ANKRD26: variants seen among roughly 807,000 people sequenced by gnomAD.
ANKRD26 encodes ankyrin repeat domain 26.
In ANKRD26, 141 loss-of-function variants were observed where a neutral mutation model predicts 208.7. The ratio of observed to expected loss-of-function variants is 0.68; its 90% CI spans 0.59 to 0.78. The LOEUF is 0.78. Ranked by LOEUF, ANKRD26 falls within the 30% of genes least tolerant of loss-of-function variation. ANKRD26 has a pLI of 0.00. For synonymous variants in ANKRD26, 636 were observed against 660.4 expected, an observed-to-expected ratio of 0.96 and a Z score of 0.57; for missense variants, 1,889 against 1,938.7, an observed-to-expected ratio of 0.97 and a Z score of 0.48.
chr10:27,049,504 A>T (rs572637304), intron 16 of ANKRD26, among the ~76,000 whole-genome samples: 7 of 152,182 alleles, frequency 4.6e-5, no homozygotes, highest in Non-Finnish European at 1.0e-4. Flanking sequence ...AACAAAGTGA[A>T]GGTGCTCACT....
chr10:27,020,374 A>C (rs2053446052), intron 29 of ANKRD26, among the ~76,000 whole-genome samples: 1 of 152,136 alleles, frequency 6.6e-6, no homozygotes, highest in South Asian at 2.1e-4. Context: ...GCTATAGAAC[A>C]CCGGAATGCA....
intron 1 of ANKRD26, among the ~76,000 whole-genome samples, chr10:27,097,276 C>A (rs1173415926): frequency 6.6e-6 from 1 of 151,234 alleles, no homozygotes; most frequent in Non-Finnish European, 1.5e-5. Context: ...GAGATCGAGA[C>A]CACCCTGGCT....
rs2056612473 is a variant in ANKRD26, at chr10:27,100,392, C to G, written c.-66G>C. The G allele has an allele frequency of 6.3e-7, 1 of 1,593,528 alleles. No individual in the cohort carries two copies. The highest frequency in any genetic ancestry group is 1.7e-5 in the Admixed American group (1 of 58,808). ...TCGGCTCTTAACGGCCTCCGGAGCC[C>G]AACATAACAAGTCAGCCCCGGCTGG... On this transcript the variant is annotated 5_prime_UTR_variant, in exon 1 of 34. Coordinates refer to ENST00000376087, the MANE Select transcript of ANKRD26 (RefSeq NM_014915.3).
chr10:27,048,558 ATG>A (rs2054539323), intron 17 of ANKRD26, among the ~76,000 whole-genome samples: 1 of 152,200 alleles, frequency 6.6e-6, no homozygotes, highest in African/African-American at 2.4e-5. Context: ...CCAACAGTGT[ATG>A]AGAATGCCTT....
At chr10:27,048,162 C>T (rs553889875) in intron 17 of ANKRD26, among the ~76,000 whole-genome samples, 2 of 152,190 alleles carry the variant, frequency 1.3e-5, no homozygotes, top group South Asian at 4.2e-4. Flanking sequence ...CCTAAAAATA[C>T]CCAGTATACT....
At chr10:27,045,144 C>T (rs955877416) in intron 18 of ANKRD26, among the ~76,000 whole-genome samples, 1 of 152,192 alleles carries the variant, frequency 6.6e-6, no homozygotes, top group Non-Finnish European at 1.5e-5. Context: ...CTTATTGAAG[C>T]TGGGCGTGCT....
chr10:27,037,733 TTA>T (rs1294924118), intron 22 of ANKRD26, 136 bp downstream of exon 22: 14 of 708,162 alleles, frequency 2.0e-5, no homozygotes, highest in Admixed American at 3.0e-5. Context: ...ATGAATAATT[TTA>T]GTTATAAAGG....
At chr10:27,088,873 A>C (rs1019828722) in intron 4 of ANKRD26, among the ~76,000 whole-genome samples, 5 of 152,204 alleles carry the variant, frequency 3.3e-5, no homozygotes, top group African/African-American at 1.2e-4. Context: ...CATGAAGGTC[A>C]AGGCTAAGTC....
intron 30 of ANKRD26, among the ~76,000 whole-genome samples, chr10:27,016,963 G>T (rs575776451): frequency 6.6e-6 from 1 of 152,214 alleles, no homozygotes; most frequent in African/African-American, 2.4e-5. Context: ...CTAAGCAGGA[G>T]GATCACTTGA....
At chr10:27,053,850 T>C (rs10829170) in intron 15 of ANKRD26, among the ~76,000 whole-genome samples, 18,079 of 152,242 alleles carry the variant, frequency 0.12, 1,525 homozygotes, top group East Asian at 0.28. Context: ...TAAAGTAACA[T>C]TGTATAATGT....
At chr10:27,053,893 AAG>A (rs2135392217) in intron 15 of ANKRD26, among the ~76,000 whole-genome samples, 1 of 152,344 alleles carries the variant, frequency 6.6e-6, no homozygotes, top group East Asian at 1.9e-4. Flanking sequence ...ACAAGGCACA[AAG>A]AGTGTTTTTC....
At chr10:26,965,358 C>A in the ANKRD26 span, among the ~76,000 whole-genome samples, 1 of 152,058 alleles carries the variant, frequency 6.6e-6, no homozygotes, top group African/African-American at 2.4e-5. Flanking sequence ...CTTTGACAAA[C>A]CTGACAAAAA....
chr10:26,948,995 A>T, the ANKRD26 span, among the ~76,000 whole-genome samples: 2 of 151,778 alleles, frequency 1.3e-5, no homozygotes, highest in Non-Finnish European at 2.9e-5. Context: ...AACGCCATCT[A>T]AAAAAAATGC....
chr10:27,054,045 T>C (rs1319059299), intron 15 of ANKRD26, among the ~76,000 whole-genome samples: 11 of 152,176 alleles, frequency 7.2e-5, no homozygotes, highest in Non-Finnish European at 8.8e-5. Context: ...TGTGAAGTCT[T>C]CCTCGATTAG....
At chr10:26,999,891 C>T (rs1051630263), downstream of ANKRD26, among the ~76,000 whole-genome samples, 1 of 149,832 alleles carries the variant, frequency 6.7e-6, no homozygotes, top group African/African-American at 2.5e-5. Context: ...ACAATGATCA[C>T]ACAAATTATA....
At chr10:27,023,853 T>C (rs1241696570) in intron 28 of ANKRD26, among the ~76,000 whole-genome samples, 2 of 152,128 alleles carry the variant, frequency 1.3e-5, no homozygotes, top group African/African-American at 4.8e-5. Flanking sequence ...AAATCATACA[T>C]ACTTTTGTAT....
chr10:27,015,895 G>A (rs925864545), intron 30 of ANKRD26, among the ~76,000 whole-genome samples: 35 of 152,272 alleles, frequency 2.3e-4, no homozygotes, highest in South Asian at 4.1e-4. Context: ...ACAAACTCAT[G>A]TTATTAAGTA....
rs752972461 is a variant in ANKRD26, at chr10:27,035,579, C to A, written c.2871G>T (p.Gln957His). 6.2e-7 allele frequency: 1 copy of A among 1,612,186 alleles called. No homozygotes were observed. Among genetic ancestry groups the A allele is most frequent in the Non-Finnish European group, 8.5e-7 (1 of 1,179,388 alleles). ...TTTCCTCATTCTGTTTTATAGTCTT[C>A]TGAAGGTCTTCATTCTTTTCTTTTA... Reference protein sequence around the residue: ...KIVKEKNEDLQKTIKQNEETL... With the variant: ...KIVKEKNEDLHKTIKQNEETL... Residue 957 changes from glutamine (Q) to histidine (H), a missense_variant, in exon 24 of 34, where the codon CAG becomes CAT. This residue lies in a region of ANKRD26 where 1,272 missense variants were observed against 1,273.8 expected (regional missense o/e 1.00). Transcript: ENST00000376087.
At chr10:26,957,345 G>A in the ANKRD26 span, among the ~76,000 whole-genome samples, 1 of 152,074 alleles carries the variant, frequency 6.6e-6, no homozygotes, top group African/African-American at 2.4e-5. Flanking sequence ...CCAAAGTTGG[G>A]CCACCACACT....
Sources: allele counts gnomAD v4.1 joint callset (sites outside exome capture counted in the v4.1 genomes callset), GRCh38; gene constraint gnomAD v4.1.1; regional missense constraint gnomAD v4.1.1; transcripts MANE v1.5; gene names NCBI Gene and HGNC (gene_info 2026-07-23, HGNC 2026-07-21).